The following FYB1 variants were observed in gnomAD, a reference collection of about 807,000 sequenced individuals.
FYB1 encodes FYN-binding protein 1.
Under a neutral mutation model 94.1 loss-of-function variants are expected in FYB1, and 41 were observed. That is an observed-to-expected ratio of 0.44 (90% CI 0.34 to 0.57). The LOEUF is 0.57. Ranked by LOEUF, FYB1 falls within the 20% of genes least tolerant of loss-of-function variation. FYB1 has a pLI of 0.02. For synonymous variants in FYB1, 367 were observed against 353.2 expected (o/e 1.04, Z -0.44); for missense variants, 1,050 against 976.8 (o/e 1.07, Z -1.00).
chr5:39,108,237 C>T lies in FYB1; in HGVS notation c.2461G>A (p.Ala821Thr). The stretch of plus-strand genomic sequence containing the variant: ...GGTACTACATAAGACTTACCATCAG[C>T]AATATCATCATAGATCTCTCCATCA... ...DNDGEIYDDIADGCIYDND is the reference protein window; with the variant it reads ...DNDGEIYDDITDGCIYDND Residue 821 changes from alanine to threonine, a missense_variant, in exon 18 of 19, where the codon GCT becomes ACT. Coordinates refer to ENST00000512982, the MANE Select transcript of FYB1 (RefSeq NM_001465.6). The T allele has an allele frequency of 1.3e-6, 2 of 1,525,990 alleles. No homozygotes were observed. The highest frequency in any genetic ancestry group is 8.9e-7 in the Non-Finnish European group (1 of 1,127,058). The allele number at this position is 1,525,990 out of a possible 1,614,324, so 94.5% of individuals were successfully genotyped here.
At chr5:39,265,639 A>G (rs1173040220) in intron 1 of FYB1, among the ~76,000 whole-genome samples, 6 of 152,084 alleles carry the variant, frequency 3.9e-5, no homozygotes, top group Non-Finnish European at 8.8e-5. Flanking sequence ...CCTGGGCAAC[A>G]AGAGCAAAAC....
rs145303959 is a variant in FYB1 at position 39,178,962 on chromosome 5, G to T, written c.1135+22864C>A. Among the ~76,000 whole-genome samples the T allele has an allele frequency of 8.5e-5, 13 of 152,258 alleles. No individual in the cohort carries two copies. The East Asian group carries it at 2.5e-3, about 29-fold the overall frequency. ...CTTCTATCTAGCCCTGGCTTTCCGC[G>T]GGCTGGGGCACAGAAGAGTCCATAC... is the stretch of plus-strand genomic sequence containing the variant. On this transcript the variant is annotated intron_variant, in intron 2 of 18. Coordinates refer to ENST00000512982, the MANE Select transcript of FYB1 (RefSeq NM_001465.6).
chr5:39,257,942 G>A (rs1348788366), intron 1 of FYB1, among the ~76,000 whole-genome samples: 1 of 152,188 alleles, frequency 6.6e-6, no homozygotes, highest in African/African-American at 2.4e-5. Flanking sequence ...CTGATCCAAA[G>A]CGTCTTTAGC....
At position 39,201,990 on chromosome 5, in the gene FYB1, C is replaced by T. The variant is rs1346940366; in HGVS notation, c.971G>A (p.Gly324Glu). Residue 324 changes from glycine (G) to glutamate (E), a missense_variant, in exon 2 of 19, where the codon GGG becomes GAG. Coordinates refer to ENST00000512982, the MANE Select transcript of FYB1 (RefSeq NM_001465.6). Reference protein sequence around the residue: ...PKAPSKLTVGGPWGQSQEKEK... With the variant: ...PKAPSKLTVGEPWGQSQEKEK... ...CTTTTCCTGACTTTGGCCCCATGGC[C>T]CCCCCACTGTCAGCTTAGAAGGGGC... The T allele has an allele frequency of 1.9e-6, 3 of 1,613,992 alleles. No individual in the cohort carries two copies. Among genetic ancestry groups the T allele is most frequent in the Non-Finnish European group, 2.5e-6 (3 of 1,179,898 alleles).
intron 1 of FYB1, among the ~76,000 whole-genome samples, chr5:39,255,103 T>C (rs72736566): frequency 0.32 from 48,784 of 151,998 alleles, 9,483 homozygotes; most frequent in African/African-American, 0.55. Context: ...ATCACATGCA[T>C]CTCATTTTTA....
At chr5:39,190,564 T>A (rs1169103769) in intron 2 of FYB1, among the ~76,000 whole-genome samples, 2 of 152,054 alleles carry the variant, frequency 1.3e-5, no homozygotes, top group Admixed American at 6.5e-5. Context: ...GACTAAGAAC[T>A]CCCAGATTCA....
chr5:39,233,976 G>T (rs1750853196), intron 1 of FYB1, among the ~76,000 whole-genome samples: 1 of 152,118 alleles, frequency 6.6e-6, no homozygotes, highest in African/African-American at 2.4e-5. Context: ...ATCTTTGGAT[G>T]ACATTTTGAG....
In FYB1 at chr5:39,217,197, AAAAG is replaced by A. The variant is rs564102703; in HGVS notation, c.-28+2242_-28+2245del. The stretch of plus-strand genomic sequence containing the variant: ...ACATGCTTGGCCCTGGGCTTTGGTA[AAAAG>A]AAAGGAGACAAATGGGCCTTAAAGG... On this transcript the variant is annotated intron_variant, in intron 1 of 18. Coordinates refer to ENST00000512982, the MANE Select transcript of FYB1 (RefSeq NM_001465.6). Among the ~76,000 whole-genome samples the A allele has an allele frequency of 4.1e-4, 62 of 152,350 alleles. 1 individual carries two copies. In the South Asian group the frequency reaches 5.0e-3, roughly 12 times the overall value.
chr5:39,250,007 A>T lies in FYB1; in HGVS notation c.-28+24396T>A, dbSNP rs560435249. 6.6e-5 allele frequency among the ~76,000 whole-genome samples: 10 copies of T among 152,076 alleles called. No individual in the cohort carries two copies. The East Asian group carries it at 1.5e-3, about 24-fold the overall frequency. ...AATGAATGAGTTCTCATGAGATCTG[A>T]TGGTTTTATAAGGGGCTCTTCTCCC... On this transcript the variant is annotated intron_variant, in intron 1 of 1. Coordinates refer to the FYB1 transcript ENST00000510188.
In FYB1 at chr5:39,105,654, T is replaced by C. The variant is rs984024060; in HGVS notation, c.*1789A>G. 1.3e-5 allele frequency: 2 copies of C among 152,140 alleles called. No homozygotes were observed. The highest frequency in any genetic ancestry group is 2.9e-5 in the Non-Finnish European group (2 of 68,022). 9.4% of individuals were successfully genotyped at this position (152,140 alleles called of 1,614,324 possible). A position where few individuals can be genotyped will look rare whatever the true frequency, so the allele number is the denominator to read the frequency against. ...CCTCAAACTAAAGCTGGCCAAAAAC[T>C]TCAGCATAAAAACTATCCTGTCTGT... On this transcript the variant is annotated 3_prime_UTR_variant, in exon 19 of 19. Transcript: ENST00000512982.
Position 39,270,608 on chromosome 5 carries a change from G to A in FYB1, c.-28+3795C>T, listed in dbSNP as rs774950121. 193 of 1,533,420 alleles carry A rather than the reference G, an allele frequency of 1.3e-4. No homozygotes were observed. In the African/African-American group the frequency reaches 2.4e-3, roughly 19 times the overall value. 95.0% of individuals were successfully genotyped at this position (1,533,420 alleles called of 1,614,324 possible). On this transcript the variant is annotated intron_variant, in intron 1 of 1. Coordinates refer to the FYB1 transcript ENST00000510188. ...AGAGTTGATATGCCTGGCACACAAT[G>A]ACCCCGAAGATGGTGCAGCTTGGAT... is the stretch of plus-strand genomic sequence containing the variant.
At chr5:39,175,018 C>T (rs905405492) in intron 2 of FYB1, among the ~76,000 whole-genome samples, 8 of 152,102 alleles carry the variant, frequency 5.3e-5, no homozygotes, top group Non-Finnish European at 1.2e-4. Flanking sequence ...TATTTGTTTG[C>T]TTGCTCTTAC....
chr5:39,209,503 T>C (rs940524468), intron 1 of FYB1, among the ~76,000 whole-genome samples: 7 of 152,068 alleles, frequency 4.6e-5, no homozygotes, highest in African/African-American at 1.7e-4. Context: ...TTTTTGTATT[T>C]TTAATAGAGA....
At chr5:39,168,699 T>G (rs1293477436) in intron 2 of FYB1, among the ~76,000 whole-genome samples, 1 of 152,240 alleles carries the variant, frequency 6.6e-6, no homozygotes, top group Non-Finnish European at 1.5e-5. Flanking sequence ...AAAACCGTAG[T>G]CACATTTACT....
intron 2 of FYB1, among the ~76,000 whole-genome samples, chr5:39,183,092 G>A (rs571565442): frequency 3.0e-4 from 45 of 152,018 alleles, no homozygotes; most frequent in African/African-American, 6.5e-4. Flanking sequence ...GCGTGATCTC[G>A]GCTCATCGTA....
chr5:39,145,207 A>G (rs999327890), intron 3 of FYB1, among the ~76,000 whole-genome samples: 1 of 152,306 alleles, frequency 6.6e-6, no homozygotes, highest in Admixed American at 6.5e-5. Context: ...GAAAAATCTA[A>G]TTGCAAATGC....
intron 3 of FYB1, among the ~76,000 whole-genome samples, chr5:39,152,681 C>G (rs1743348960): frequency 6.6e-6 from 1 of 152,114 alleles, no homozygotes; most frequent in Admixed American, 6.5e-5. Flanking sequence ...TCTATTAAAT[C>G]CTGGATAAAG....
chr5:39,144,497 T>G (rs1742468020), intron 3 of FYB1, among the ~76,000 whole-genome samples: 1 of 152,094 alleles, frequency 6.6e-6, no homozygotes, highest in African/African-American at 2.4e-5. Context: ...GAGAGTGAAC[T>G]TATATCTTAA....
Position 39,204,080 on chromosome 5 carries a change from C to A in FYB1, c.-27-1093G>T, listed in dbSNP as rs558669284. Among the ~76,000 whole-genome samples the A allele has an allele frequency of 2.2e-4, 34 of 152,200 alleles. 1 individual carries two copies. In the South Asian group the frequency reaches 7.1e-3, roughly 32 times the overall value. On this transcript the variant is annotated intron_variant, in intron 1 of 18. Transcript: ENST00000512982. ...ATAACATGCTTTCCTACCTCTCATCCCCCACCTTTCATTGCCCCATACCCA... is the reference window on the plus strand; with the variant it reads ...ATAACATGCTTTCCTACCTCTCATCACCCACCTTTCATTGCCCCATACCCA...
Sources: allele counts gnomAD v4.1 joint callset (sites outside exome capture counted in the v4.1 genomes callset), GRCh38; gene constraint gnomAD v4.1.1; transcripts MANE v1.5; gene names NCBI Gene and HGNC (gene_info 2026-07-23, HGNC 2026-07-21).